TMEM117: variants seen among roughly 807,000 people sequenced by gnomAD.
TMEM117 encodes the protein transmembrane protein 117.
Under a neutral mutation model 52.4 loss-of-function variants are expected in TMEM117, and 27 were observed. That is an observed-to-expected ratio of 0.51 (90% CI 0.38 to 0.71). TMEM117 has a LOEUF of 0.71. Ranked by LOEUF, TMEM117 falls within the 30% of genes least tolerant of loss-of-function variation. The pLI is 0.00. For missense variants in TMEM117, 556 were observed against 630.5 expected (o/e 0.88, Z 1.26); for synonymous variants, 215 against 206.3 (o/e 1.04, Z -0.36).
At chr12:44,068,377 T>G (rs1284392770) in intron 3 of TMEM117, among the ~76,000 whole-genome samples, 4 of 152,256 alleles carry the variant, frequency 2.6e-5, no homozygotes, top group Admixed American at 6.5e-5. Flanking sequence ...TTGACATGCC[T>G]TCCTCACTAA....
At chr12:44,009,405 C>T (rs1320141876) in intron 3 of TMEM117, 5 of 199,320 alleles carry the variant, frequency 2.5e-5, no homozygotes. Flanking sequence ...TGACATTCTT[C>T]CTCAGAAAAA....
chr12:44,122,400 C>CT (rs1948252104), intron 3 of TMEM117, among the ~76,000 whole-genome samples: 1 of 151,966 alleles, frequency 6.6e-6, no homozygotes. Context: ...AGCACATATT[C>CT]TTTTTTTATT....
At chr12:44,186,298 A>C (rs879250630) in intron 4 of TMEM117, among the ~76,000 whole-genome samples, 1 of 152,228 alleles carries the variant, frequency 6.6e-6, no homozygotes, top group Non-Finnish European at 1.5e-5. Flanking sequence ...TTATGCCTCA[A>C]AGAAAGTAAT....
At chr12:44,309,050 A>T (rs1311861864) in intron 6 of TMEM117, among the ~76,000 whole-genome samples, 1 of 152,228 alleles carries the variant, frequency 6.6e-6, no homozygotes, top group Non-Finnish European at 1.5e-5. Flanking sequence ...GGAATCATGG[A>T]AGCCAGTATA....
At chr12:44,230,717 A>T (rs1478659007) in intron 5 of TMEM117, among the ~76,000 whole-genome samples, 1 of 152,084 alleles carries the variant, frequency 6.6e-6, no homozygotes. Flanking sequence ...AAACATTTTA[A>T]TAGAATCTCA....
rs762424630 is a variant in TMEM117, at chr12:44,388,310, C to G, written c.1183C>G (p.Leu395Val). Residue 395 changes from leucine (L) to valine (V), a missense_variant, in exon 8 of 8, where the codon CTG (leucine) becomes GTG (valine). Leu to Val is a conservative substitution (Grantham distance 32). Coordinates refer to ENST00000266534, the MANE Select transcript of TMEM117 (RefSeq NM_032256.3). Reference protein sequence around the residue: ...FIGASLDVKCLAFVPSLIAFV... With the variant: ...FIGASLDVKCVAFVPSLIAFV... ...AGGAGCCAGTCTTGATGTCAAGTGT[C>G]TGGCCTTTGTTCCAAGCCTGATAGC... The G allele has an allele frequency of 3.7e-6, 6 of 1,613,466 alleles. No individual in the cohort carries two copies. The highest frequency in any genetic ancestry group is 5.1e-6 in the Non-Finnish European group (6 of 1,179,682).
intron 3 of TMEM117, among the ~76,000 whole-genome samples, chr12:44,090,896 G>C (rs1400551921): frequency 7.5e-6 from 1 of 133,592 alleles, no homozygotes; most frequent in Admixed American, 8.0e-5. Context: ...CTTGCTGATA[G>C]AGCGTATTAC....
At chr12:44,381,916 C>T (rs1952026567) in intron 7 of TMEM117, among the ~76,000 whole-genome samples, 1 of 152,026 alleles carries the variant, frequency 6.6e-6, no homozygotes, top group African/African-American at 2.4e-5. Flanking sequence ...GCAAAATTAG[C>T]AAGGGACTCG....
intron 5 of TMEM117, among the ~76,000 whole-genome samples, chr12:44,254,906 G>A (rs1055020855): frequency 1.3e-5 from 2 of 152,100 alleles, no homozygotes; most frequent in African/African-American, 4.8e-5. Flanking sequence ...AGAACATGCG[G>A]TGTTTGGTTT....
At chr12:44,011,034 A>T (rs1165545102) in intron 3 of TMEM117, among the ~76,000 whole-genome samples, 6 of 152,194 alleles carry the variant, frequency 3.9e-5, no homozygotes, top group Non-Finnish European at 7.4e-5. Context: ...GTCTCTGAAG[A>T]ACTTTTTTCT....
At chr12:44,289,800 A>C (rs1023548284) in intron 5 of TMEM117, among the ~76,000 whole-genome samples, 1 of 151,982 alleles carries the variant, frequency 6.6e-6, no homozygotes. Context: ...CGCCCGCCTC[A>C]GCTTCCCAAA....
intron 3 of TMEM117, among the ~76,000 whole-genome samples, chr12:44,134,148 C>T (rs530859477): frequency 6.6e-6 from 1 of 152,302 alleles, no homozygotes; most frequent in Admixed American, 6.5e-5. Context: ...CTTATTGTGA[C>T]TCAGTTGACA....
intron 3 of TMEM117, among the ~76,000 whole-genome samples, chr12:44,097,117 C>T (rs1947779015): frequency 6.6e-6 from 1 of 152,256 alleles, no homozygotes; most frequent in African/African-American, 2.4e-5. Flanking sequence ...TGAAAAAATG[C>T]TCATCATCAC....
intron 4 of TMEM117, among the ~76,000 whole-genome samples, chr12:44,172,651 C>A (rs540280691): frequency 6.6e-6 from 1 of 152,154 alleles, no homozygotes; most frequent in Non-Finnish European, 1.5e-5. Context: ...CAGTTAAACC[C>A]GTAACACTGC....
At chr12:44,271,327 A>G (rs1950443047) in intron 5 of TMEM117, among the ~76,000 whole-genome samples, 4 of 151,964 alleles carry the variant, frequency 2.6e-5, no homozygotes, top group African/African-American at 9.7e-5. Context: ...CTCCTTCTTC[A>G]TTTCATAGAT....
intron 3 of TMEM117, among the ~76,000 whole-genome samples, chr12:44,116,782 C>T (rs1948151579): frequency 6.6e-6 from 1 of 152,230 alleles, no homozygotes; most frequent in African/African-American, 2.4e-5. Flanking sequence ...TTACCATCCT[C>T]ATCCTACAAA....
chr12:43,929,588 C>T (rs1592371314), intron 2 of TMEM117, among the ~76,000 whole-genome samples: 1 of 152,064 alleles, frequency 6.6e-6, no homozygotes, highest in African/African-American at 2.4e-5. Flanking sequence ...AAGTTTTTGA[C>T]ATATGTATAT....
At chr12:44,245,894 A>T (rs527263180) in intron 5 of TMEM117, among the ~76,000 whole-genome samples, 1 of 152,140 alleles carries the variant, frequency 6.6e-6, no homozygotes. Context: ...TTTAAAAGAA[A>T]TACATTTTAT....
chr12:44,126,210 A>G (rs143662025), intron 3 of TMEM117, among the ~76,000 whole-genome samples: 1 of 152,262 alleles, frequency 6.6e-6, no homozygotes, highest in East Asian at 1.9e-4. Context: ...TATTGTGAAT[A>G]GTGCTGTGAT....
Sources: gnomAD v4.1 joint callset for allele counts (sites outside exome capture counted in the v4.1 genomes callset) on GRCh38, gnomAD v4.1.1 for gene constraint, MANE v1.5 for transcripts, NCBI Gene and HGNC (gene_info 2026-07-23, HGNC 2026-07-21) for gene names.